Variants in NT5DC1 observed in about 807,000 individuals in gnomAD.
NT5DC1 encodes 5'-nucleotidase domain-containing protein 1.
A neutral mutation model predicts 59.4 loss-of-function variants in NT5DC1; 42 were observed. The observed-to-expected ratio is 0.71, with a 90% CI of 0.55 to 0.92. NT5DC1 has a LOEUF of 0.92. Among genes scored for constraint, NT5DC1 ranks in the 40% least tolerant of loss-of-function variants. NT5DC1 has a pLI of 0.00. For missense variants in NT5DC1, 501 were observed against 537.1 expected, an observed-to-expected ratio of 0.93 and a Z score of 0.66; for synonymous variants, 172 against 188.1, an observed-to-expected ratio of 0.91 and a Z score of 0.70.
At chr6:116,175,673 G>C (rs1030035196) in intron 6 of NT5DC1, among the ~76,000 whole-genome samples, 1 of 152,116 alleles carries the variant, frequency 6.6e-6, no homozygotes, top group Non-Finnish European at 1.5e-5. Flanking sequence ...TTCAAGTTCA[G>C]TGATATTTCC....
At chr6:116,218,171 T>C (rs538917988) in intron 6 of NT5DC1, among the ~76,000 whole-genome samples, 99 of 152,272 alleles carry the variant, frequency 6.5e-4, no homozygotes, top group African/African-American at 2.1e-3. Context: ...ACATTATTAA[T>C]TGAGATACTA....
At chr6:116,236,915 G>A in intron 8 of NT5DC1, 51 bp from the exon 9 acceptor site, 1 of 1,160,546 alleles carries the variant, frequency 8.6e-7, no homozygotes, top group Admixed American at 1.7e-5. Context: ...CTGCCCAACT[G>A]GCTACTCTCA....
intron 11 of NT5DC1, among the ~76,000 whole-genome samples, chr6:116,240,625 C>A (rs1186368080): frequency 6.6e-6 from 1 of 151,764 alleles, no homozygotes; most frequent in Non-Finnish European, 1.5e-5. Flanking sequence ...AGAAATGAAA[C>A]AAAATGAAGA....
chr6:116,183,638 A>C (rs910179946), intron 6 of NT5DC1, among the ~76,000 whole-genome samples: 3 of 151,210 alleles, frequency 2.0e-5, no homozygotes, highest in African/African-American at 7.3e-5. Flanking sequence ...TAAGTATTTT[A>C]TTTTATTATT....
intron 6 of NT5DC1, among the ~76,000 whole-genome samples, chr6:116,215,502 C>G (rs1282018042): frequency 1.3e-5 from 2 of 152,070 alleles, no homozygotes; most frequent in African/African-American, 4.8e-5. Flanking sequence ...GACTTTACAG[C>G]CTGTCCAGAT....
rs746798918 is a variant in NT5DC1 at position 116,236,024 on chromosome 6, C to A, written c.803-942C>A. Among the ~76,000 whole-genome samples, 3 of 152,244 alleles carry A rather than the reference C, an allele frequency of 2.0e-5. No homozygotes were observed. In the South Asian group the frequency reaches 6.2e-4, roughly 32 times the overall value. ...AAGAGGACCCTTCTAATTATATAAG[C>A]TTCTGTATACACAACCTCTGTATCC... On this transcript the variant is annotated intron_variant, in intron 8 of 11. Transcript: ENST00000319550.
At chr6:116,127,665 T>C (rs1479415548) in intron 6 of NT5DC1, among the ~76,000 whole-genome samples, 1 of 152,142 alleles carries the variant, frequency 6.6e-6, no homozygotes, top group Non-Finnish European at 1.5e-5. Flanking sequence ...ATGGATGCTT[T>C]TGAATGCTAG....
Position 116,239,063 on chromosome 6 carries a change from T to C in NT5DC1, c.1192T>C (p.Ser398Pro). The change falls in exon 11 of 12, where the codon TCT becomes CCT. Residue 398 changes from serine (S) to proline (P), a missense_variant. By Grantham distance (74) the Ser-to-Pro change is moderately conservative (BLOSUM62 -1). Transcript: ENST00000319550. ...AGAAGACTCCTTGGTTTATACATGG[T>C]CTTGTAAGAGAATCAGTACTTACAG... Reference protein sequence around the residue: ...NTEDSLVYTWSCKRISTYSTI... With the variant: ...NTEDSLVYTWPCKRISTYSTI... 1 of 1,612,384 alleles carries C rather than the reference T, an allele frequency of 6.2e-7. No homozygotes were observed. The highest frequency in any genetic ancestry group is 1.1e-5 in the South Asian group (1 of 91,012).
intron 6 of NT5DC1, among the ~76,000 whole-genome samples, chr6:116,148,808 T>C (rs1434851433): frequency 6.6e-6 from 1 of 152,164 alleles, no homozygotes; most frequent in East Asian, 1.9e-4. Flanking sequence ...TTGAGTGGGT[T>C]ACAGGTAAGT....
intron 6 of NT5DC1, among the ~76,000 whole-genome samples, chr6:116,215,436 A>G (rs1167355516): frequency 6.6e-6 from 1 of 152,134 alleles, no homozygotes. Flanking sequence ...TGAGCTTTCA[A>G]CCTGGTAAGA....
At position 116,135,834 on chromosome 6, in the gene NT5DC1, GATATATATATAT is replaced by G. The variant is rs199827970; in HGVS notation, c.529+17917_529+17928del. ...ATTTATGGTATACAATATATTTTCAGATATATATATATATATATATATATATATATATATATA... is the reference window on the plus strand; with the variant it reads ...ATTTATGGTATACAATATATTTTCAGATATATATATATATATATATATATA... On this transcript the variant is annotated intron_variant, in intron 6 of 11. Transcript: ENST00000319550. Among the ~76,000 whole-genome samples the G allele has an allele frequency of 5.6e-4, 57 of 102,356 alleles. 1 individual carries two copies. The highest frequency in any genetic ancestry group is 2.3e-3 in the South Asian group (7 of 3,054). The allele number at this position is 102,356 out of a possible 152,430, so 67.1% of individuals were successfully genotyped here. A position where few individuals can be genotyped will look rare whatever the true frequency, so the allele number is the denominator to read the frequency against.
intron 6 of NT5DC1, chr6:116,120,629 C>T (rs1779086461): frequency 1.3e-6 from 2 of 1,553,924 alleles, no homozygotes; most frequent in Admixed American, 2.1e-5. Context: ...GCCTCTTGGA[C>T]CTGGAGGCCC....
At chr6:116,130,349 T>C (rs62414123) in intron 6 of NT5DC1, among the ~76,000 whole-genome samples, 34,718 of 152,018 alleles carry the variant, frequency 0.23, 4,203 homozygotes, top group South Asian at 0.29. Flanking sequence ...GTGGCACTTA[T>C]TAATCTTACT....
chr6:116,116,551 A>C lies in NT5DC1; in HGVS notation c.444+781A>C, dbSNP rs1778968494. On this transcript the variant is annotated intron_variant, in intron 5 of 11. Coordinates refer to ENST00000319550, the MANE Select transcript of NT5DC1 (RefSeq NM_152729.3). ...CAGCTACTAGGGAGGCTGAGGCAGG[A>C]GAATTGCTTAAACCCGGGAGGCAGA... 3.3e-5 allele frequency among the ~76,000 whole-genome samples: 5 copies of C among 152,308 alleles called. No individual in the cohort carries two copies. In the South Asian group the frequency reaches 1.0e-3, roughly 32 times the overall value.
At chr6:116,157,362 A>G (rs1032427545) in intron 6 of NT5DC1, among the ~76,000 whole-genome samples, 2 of 152,122 alleles carry the variant, frequency 1.3e-5, no homozygotes, top group African/African-American at 4.8e-5. Flanking sequence ...ATGGACTTCC[A>G]CCTTATTACA....
At chr6:116,150,832 A>C (rs1463265407) in intron 6 of NT5DC1, among the ~76,000 whole-genome samples, 1 of 152,210 alleles carries the variant, frequency 6.6e-6, no homozygotes, top group African/African-American at 2.4e-5. Context: ...GTGAATATCA[A>C]ATGTGAATTT....
At chr6:116,148,862 G>A (rs1237538546) in intron 6 of NT5DC1, among the ~76,000 whole-genome samples, 1 of 152,048 alleles carries the variant, frequency 6.6e-6, no homozygotes, top group East Asian at 1.9e-4. Flanking sequence ...GAAAATAAGG[G>A]TCTAGCCAAA....
At chr6:116,171,187 T>C (rs73774208) in intron 6 of NT5DC1, among the ~76,000 whole-genome samples, 6,186 of 152,300 alleles carry the variant, frequency 0.041, 191 homozygotes, top group African/African-American at 0.084. Context: ...GACCCACTTA[T>C]ATTATTGTCA....
intron 6 of NT5DC1, among the ~76,000 whole-genome samples, chr6:116,174,753 C>T (rs561340616): frequency 2.6e-5 from 4 of 152,268 alleles, no homozygotes; most frequent in African/African-American, 9.6e-5. Flanking sequence ...TCATCATACT[C>T]CATTTTGAAG....
Sources: gnomAD v4.1 joint callset for allele counts (sites outside exome capture counted in the v4.1 genomes callset) on GRCh38, gnomAD v4.1.1 for gene constraint, MANE v1.5 for transcripts, NCBI Gene and HGNC (gene_info 2026-07-23, HGNC 2026-07-21) for gene names.